ADAMTS19: variants seen among roughly 807,000 people sequenced by gnomAD.
The protein encoded by ADAMTS19 is A disintegrin and metalloproteinase with thrombospondin motifs 19.
In ADAMTS19, 93 loss-of-function variants were observed where a neutral mutation model predicts 153.3. The ratio of observed to expected loss-of-function variants is 0.61; its 90% CI spans 0.51 to 0.72. ADAMTS19 has a LOEUF of 0.72. Ranked by LOEUF, ADAMTS19 falls within the 30% of genes least tolerant of loss-of-function variation. The pLI is 0.00. For synonymous variants in ADAMTS19, 600 were observed against 556.6 expected (o/e 1.08, Z -1.10); for missense variants, 1,482 against 1,552.1 (o/e 0.95, Z 0.76).
chr5:129,567,925 TGTTA>T (rs1753770651), intron 7 of ADAMTS19, among the ~76,000 whole-genome samples: 2 of 152,116 alleles, frequency 1.3e-5, no homozygotes, highest in African/African-American at 2.4e-5. Context: ...AAAAACAAGC[TGTTA>T]TTTATAAGGA....
At chr5:129,701,994 T>C (rs1396168194) in intron 20 of ADAMTS19, among the ~76,000 whole-genome samples, 2 of 152,226 alleles carry the variant, frequency 1.3e-5, no homozygotes, top group Admixed American at 6.5e-5. Flanking sequence ...ACTTAATGTT[T>C]AGTATATTGT....
In ADAMTS19 at chr5:129,606,013, A is replaced by G. The variant is rs1460458807; in HGVS notation, c.1478+9349A>G. ...AACCAGAGAAAAAGGTCTAATATAT[A>G]TAATTAAACTTTGGCATGGAGACAT... On this transcript the variant is annotated intron_variant, in intron 8 of 22. Transcript: ENST00000274487. Among the ~76,000 whole-genome samples the G allele has an allele frequency of 1.4e-4, 21 of 152,200 alleles. 1 individual carries two copies. The highest frequency in any genetic ancestry group is 1.2e-3 in the Admixed American group (18 of 15,266).
intron 7 of ADAMTS19, among the ~76,000 whole-genome samples, chr5:129,592,976 A>G (rs534826990): frequency 2.0e-5 from 3 of 152,256 alleles, no homozygotes; most frequent in African/African-American, 7.2e-5. Context: ...ATTTTATTGC[A>G]TAAACATGCT....
intron 8 of ADAMTS19, among the ~76,000 whole-genome samples, chr5:129,617,581 G>C (rs1751587747): frequency 6.6e-6 from 1 of 151,998 alleles, no homozygotes; most frequent in Non-Finnish European, 1.5e-5. Flanking sequence ...GAAGAGTCAA[G>C]CACGTTCCAC....
chr5:129,509,955 T>A (rs1459254454), intron 3 of ADAMTS19, among the ~76,000 whole-genome samples: 1 of 151,864 alleles, frequency 6.6e-6, no homozygotes, highest in Non-Finnish European at 1.5e-5. Context: ...GTTACATAAG[T>A]AGGATCTGAA....
At chr5:129,565,535 C>T (rs1753676138) in intron 7 of ADAMTS19, among the ~76,000 whole-genome samples, 1 of 152,122 alleles carries the variant, frequency 6.6e-6, no homozygotes, top group South Asian at 2.1e-4. Context: ...TATTTTGAAA[C>T]CCCTATTCTG....
chr5:129,568,530 A>G (rs965664010), intron 7 of ADAMTS19, among the ~76,000 whole-genome samples: 1 of 152,156 alleles, frequency 6.6e-6, no homozygotes, highest in Non-Finnish European at 1.5e-5. Flanking sequence ...TTAAAAACAC[A>G]ATAAATACAC....
chr5:129,725,961 G>T (rs1757193682), intron 21 of ADAMTS19, among the ~76,000 whole-genome samples: 1 of 152,116 alleles, frequency 6.6e-6, no homozygotes, highest in Non-Finnish European at 1.5e-5. Flanking sequence ...CTACGGCAAT[G>T]GAACAAATTT....
chr5:129,591,889 A>G (rs1318531073), intron 7 of ADAMTS19, among the ~76,000 whole-genome samples: 1 of 152,052 alleles, frequency 6.6e-6, no homozygotes, highest in Non-Finnish European at 1.5e-5. Context: ...TTTCTTCATT[A>G]GTTCCATTAT....
At position 129,608,116 on chromosome 5, in the gene ADAMTS19, G is replaced by GTATATATATATATATATATATA. The variant is rs1554098182; in HGVS notation, c.1478+11455_1478+11476dup. On this transcript the variant is annotated intron_variant, in intron 8 of 22. Coordinates refer to ENST00000274487, the MANE Select transcript of ADAMTS19 (RefSeq NM_133638.6). The stretch of plus-strand genomic sequence containing the variant: ...TGTGTGTGTGTGTGTGTGTGTGTGT[G>GTATATATATATATATATATATA]TATATATATATATATATATATATAA... 5.8e-3 allele frequency among the ~76,000 whole-genome samples: 278 copies of GTATATATATATATATATATATA among 47,826 alleles called. 22 individuals carry two copies. Among genetic ancestry groups the GTATATATATATATATATATATA allele is most frequent in the South Asian group, 0.014 (14 of 1,024 alleles). The allele number at this position is 47,826 out of a possible 152,430, so 31.4% of individuals were successfully genotyped here.
intron 7 of ADAMTS19, among the ~76,000 whole-genome samples, chr5:129,578,140 A>ATGCATG (rs1749284828): frequency 9.0e-6 from 1 of 110,856 alleles, no homozygotes; most frequent in Non-Finnish European, 2.0e-5. Context: ...ACATATACCT[A>ATGCATG]TATGCATGTA....
intron 7 of ADAMTS19, among the ~76,000 whole-genome samples, chr5:129,589,507 C>A (rs894470900): frequency 2.2e-4 from 34 of 151,946 alleles, no homozygotes; most frequent in African/African-American, 7.2e-4. Context: ...TTTACTTGAA[C>A]AACTTTTATC....
chr5:129,652,268 G>T (rs1053652050), intron 13 of ADAMTS19, among the ~76,000 whole-genome samples: 1 of 152,112 alleles, frequency 6.6e-6, no homozygotes, highest in Non-Finnish European at 1.5e-5. Flanking sequence ...GTATTATAGC[G>T]CTGTGGAAGA....
Position 129,654,443 on chromosome 5 carries a change from T to C in ADAMTS19, c.2304+10T>C, listed in dbSNP as rs767672666. On this transcript the variant is annotated intron_variant, in intron 14 of 22. Coordinates refer to ENST00000274487, the MANE Select transcript of ADAMTS19 (RefSeq NM_133638.6). The stretch of plus-strand genomic sequence containing the variant: ...AAATGGCAGGTGCCAGGTAAGACAT[T>C]CCAAAAAAAAAAAGAATTTATATGT... The C allele has an allele frequency of 4.2e-5, 67 of 1,589,296 alleles. No individual in the cohort carries two copies. Among genetic ancestry groups the C allele is most frequent in the Non-Finnish European group, 5.5e-5 (64 of 1,173,974 alleles).
At chr5:129,611,524 A>C (rs1029462953) in intron 8 of ADAMTS19, among the ~76,000 whole-genome samples, 1 of 152,174 alleles carries the variant, frequency 6.6e-6, no homozygotes, top group Admixed American at 6.6e-5. Flanking sequence ...CAGTTTTCCC[A>C]GCACCATTTA....
intron 2 of ADAMTS19, among the ~76,000 whole-genome samples, chr5:129,472,134 A>G (rs764783942): frequency 3.9e-5 from 6 of 152,224 alleles, no homozygotes; most frequent in Admixed American, 3.3e-4. Flanking sequence ...TCACTTCACT[A>G]TCTTCCACAA....
chr5:129,708,613 A>AG (rs1756283545), intron 21 of ADAMTS19, among the ~76,000 whole-genome samples: 1 of 148,372 alleles, frequency 6.7e-6, no homozygotes, highest in East Asian at 1.9e-4. Flanking sequence ...AAAAAAAAAA[A>AG]AGAGTACTAT....
At chr5:129,609,071 TC>T (rs1751068703) in intron 8 of ADAMTS19, among the ~76,000 whole-genome samples, 1 of 152,218 alleles carries the variant, frequency 6.6e-6, no homozygotes, top group Non-Finnish European at 1.5e-5. Flanking sequence ...GTAATGGCTA[TC>T]TAAATATACT....
At chr5:129,612,709 G>A (rs1385624824) in intron 8 of ADAMTS19, among the ~76,000 whole-genome samples, 1 of 152,054 alleles carries the variant, frequency 6.6e-6, no homozygotes, top group Non-Finnish European at 1.5e-5. Flanking sequence ...TAATGTAAAT[G>A]GGCTAAATGC....
Sources: allele counts gnomAD v4.1 joint callset (sites outside exome capture counted in the v4.1 genomes callset), GRCh38; gene constraint gnomAD v4.1.1; transcripts MANE v1.5; gene names NCBI Gene and HGNC (gene_info 2026-07-23, HGNC 2026-07-21).